ITSN1: variants seen among roughly 807,000 people sequenced by gnomAD.
The protein encoded by ITSN1 is intersectin 1.
In ITSN1, 58 loss-of-function variants were observed where a neutral mutation model predicts 239.8. The ratio of observed to expected loss-of-function variants is 0.24; its 90% CI spans 0.20 to 0.30. ITSN1 has a LOEUF of 0.30. Ranked by LOEUF, ITSN1 falls within the 10% of genes least tolerant of loss-of-function variation. The pLI is 1.00. For synonymous variants in ITSN1, 780 were observed against 770.8 expected (o/e 1.01, Z -0.20); for missense variants, 1,558 against 2,103.3 (o/e 0.74, Z 5.07).
intron 20 of ITSN1, among the ~76,000 whole-genome samples, chr21:33,803,744 T>C (rs2072194776): frequency 6.6e-6 from 1 of 152,168 alleles, no homozygotes; most frequent in African/African-American, 2.4e-5. Flanking sequence ...TAATTTTTAA[T>C]AAAACAAAAT....
At chr21:33,700,255 T>C (rs1324526067) in intron 1 of ITSN1, among the ~76,000 whole-genome samples, 1 of 151,848 alleles carries the variant, frequency 6.6e-6, no homozygotes. Flanking sequence ...TGGCTTATTT[T>C]TGTATTTTTA....
chr21:33,855,734 G>A (rs1004588666), intron 29 of ITSN1, among the ~76,000 whole-genome samples: 1 of 152,214 alleles, frequency 6.6e-6, no homozygotes. Flanking sequence ...CCTTCCCGTC[G>A]GGCAGCCTTG....
At chr21:33,795,242 A>G (rs887359592) in intron 17 of ITSN1, among the ~76,000 whole-genome samples, 1 of 152,148 alleles carries the variant, frequency 6.6e-6, no homozygotes, top group East Asian at 1.9e-4. Flanking sequence ...CGAGGTCAAG[A>G]TATTAGGACC....
chr21:33,866,442 C>T (rs1981596286), intron 32 of ITSN1, among the ~76,000 whole-genome samples: 1 of 151,994 alleles, frequency 6.6e-6, no homozygotes, highest in African/African-American at 2.4e-5. Context: ...ACTTGAACTT[C>T]AGGAAAGTGC....
intron 12 of ITSN1, among the ~76,000 whole-genome samples, chr21:33,773,799 C>T (rs2069373876): frequency 6.6e-6 from 1 of 152,066 alleles, no homozygotes; most frequent in South Asian, 2.1e-4. Flanking sequence ...CCTGCCTCAG[C>T]CTCCGGAGTA....
intron 8 of ITSN1, among the ~76,000 whole-genome samples, chr21:33,759,862 G>A (rs1027039351): frequency 1.3e-5 from 2 of 152,176 alleles, no homozygotes; most frequent in Non-Finnish European, 2.9e-5. Flanking sequence ...CACTTTGGGA[G>A]GCCAAGGCGG....
At chr21:33,817,699 G>A in intron 22 of ITSN1, 1 of 1,074,888 alleles carries the variant, frequency 9.3e-7, no homozygotes, top group South Asian at 1.6e-5. Context: ...TCATGGGGCA[G>A]TGCATGTAGA....
intron 1 of ITSN1, among the ~76,000 whole-genome samples, chr21:33,676,610 A>C (rs753646609): frequency 5.3e-5 from 8 of 152,168 alleles, no homozygotes; most frequent in Non-Finnish European, 1.2e-4. Flanking sequence ...AAATACATTT[A>C]TTTTAGTGTG....
At chr21:33,680,308 ATTTTCTTTTTCTTTC>A (rs1292384371) in intron 1 of ITSN1, among the ~76,000 whole-genome samples, 1 of 141,730 alleles carries the variant, frequency 7.1e-6, no homozygotes, top group East Asian at 2.0e-4. Context: ...TTGGTGCCGT[ATTTTCTTTTTCTTTC>A]TTTTCTTTTT....
chr21:33,817,574 A>G (rs985235060), intron 22 of ITSN1: 1 of 1,301,506 alleles, frequency 7.7e-7, no homozygotes, highest in Non-Finnish European at 1.0e-6. Flanking sequence ...CTTCCCCATT[A>G]CTTGTGAATT....
intron 8 of ITSN1, among the ~76,000 whole-genome samples, chr21:33,756,437 C>G (rs1004722896): frequency 1.3e-5 from 2 of 151,966 alleles, no homozygotes; most frequent in African/African-American, 4.8e-5. Context: ...ATTAGGTTTC[C>G]TGTGTGGTGG....
chr21:33,690,797 ATATATATATATATATATG>A (rs1568946613), intron 1 of ITSN1, among the ~76,000 whole-genome samples: 577 of 24,204 alleles, frequency 0.024, 124 homozygotes, highest in Non-Finnish European at 0.03. Context: ...ATACATATAT[ATATATATATATATATATG>A]TATATATATA....
intron 16 of ITSN1, among the ~76,000 whole-genome samples, chr21:33,786,328 G>A (rs1293248494): frequency 6.6e-6 from 1 of 152,022 alleles, no homozygotes; most frequent in Non-Finnish European, 1.5e-5. Flanking sequence ...TCAGATCCAC[G>A]TTCTAGAAAC....
chr21:33,848,390 C>T (rs78076558), intron 29 of ITSN1, among the ~76,000 whole-genome samples: 3,677 of 152,294 alleles, frequency 0.024, 148 homozygotes, highest in African/African-American at 0.084. Context: ...TCACCTTGAT[C>T]TTGGACTTTG....
intron 27 of ITSN1, among the ~76,000 whole-genome samples, chr21:33,832,173 C>A (rs1204148522): frequency 6.6e-6 from 1 of 152,160 alleles, no homozygotes; most frequent in Non-Finnish European, 1.5e-5. Context: ...TGCCTTGCTG[C>A]CTTTGTTCAT....
At chr21:33,832,844 T>A (rs180929010) in intron 27 of ITSN1, among the ~76,000 whole-genome samples, 1 of 152,268 alleles carries the variant, frequency 6.6e-6, no homozygotes, top group Non-Finnish European at 1.5e-5. Context: ...GCAGAGGTAA[T>A]GTGGTGGAAG....
chr21:33,767,985 C>T (rs2068840729), intron 11 of ITSN1, among the ~76,000 whole-genome samples, 157 bp downstream of exon 11: 1 of 152,112 alleles, frequency 6.6e-6, no homozygotes, highest in South Asian at 2.1e-4. Flanking sequence ...GTTAATTAAG[C>T]TTGTGGATTT....
chr21:33,848,303 A>G (rs2075045973), intron 29 of ITSN1, among the ~76,000 whole-genome samples: 1 of 152,262 alleles, frequency 6.6e-6, no homozygotes, highest in East Asian at 1.9e-4. Flanking sequence ...ATGTGGACAC[A>G]CAGACGCTGG....
intron 5 of ITSN1, among the ~76,000 whole-genome samples, chr21:33,741,471 AT>A (rs1294987049): frequency 6.6e-6 from 1 of 152,196 alleles, no homozygotes; most frequent in East Asian, 1.9e-4. Context: ...AATGTGCTTG[AT>A]AGTGTGCACG....
Sources: gnomAD v4.1 joint callset for allele counts (sites outside exome capture counted in the v4.1 genomes callset) on GRCh38, gnomAD v4.1.1 for gene constraint, MANE v1.5 for transcripts, NCBI Gene and HGNC (gene_info 2026-07-23, HGNC 2026-07-21) for gene names.